C8orf34: variants seen among roughly 807,000 people sequenced by gnomAD.
C8orf34 encodes the protein chromosome 8 open reading frame 34.
In C8orf34, 65 loss-of-function variants were observed where a neutral mutation model predicts 68.3. That is an observed-to-expected ratio of 0.95 (90% CI 0.78 to 1.17). The LOEUF is 1.17. Among genes scored for constraint, C8orf34 ranks in the 50% most tolerant of loss-of-function variants. C8orf34 has a pLI of 0.00. For synonymous variants in C8orf34, 244 were observed against 241.2 expected (o/e 1.01, Z -0.11); for missense variants, 664 against 655.4 (o/e 1.01, Z -0.14).
intron 7 of C8orf34, among the ~76,000 whole-genome samples, chr8:68,601,482 T>C (rs1817696726): frequency 6.6e-6 from 1 of 152,142 alleles, no homozygotes; most frequent in Non-Finnish European, 1.5e-5. Context: ...CTGATTTTAT[T>C]CTCTGTCATC....
At chr8:68,498,609 C>T (rs1241833002) in intron 5 of C8orf34, among the ~76,000 whole-genome samples, 4 of 151,886 alleles carry the variant, frequency 2.6e-5, no homozygotes, top group Admixed American at 1.3e-4. Flanking sequence ...GTGTGCTTTG[C>T]GTGATATACA....
At chr8:68,526,526 T>G (rs143178904) in intron 6 of C8orf34, among the ~76,000 whole-genome samples, 145 of 152,284 alleles carry the variant, frequency 9.5e-4, no homozygotes, top group African/African-American at 3.4e-3. Flanking sequence ...AGCACTTAAG[T>G]GTCTGCTAAA....
chr8:68,631,294 A>G (rs1344355015), intron 7 of C8orf34, among the ~76,000 whole-genome samples: 2 of 151,356 alleles, frequency 1.3e-5, no homozygotes, highest in African/African-American at 2.4e-5. Flanking sequence ...GTAAATAAAG[A>G]CAAGTCCCCA....
At chr8:68,757,602 T>C (rs1822902532) in intron 10 of C8orf34, among the ~76,000 whole-genome samples, 1 of 151,960 alleles carries the variant, frequency 6.6e-6, no homozygotes, top group African/African-American at 2.4e-5. Flanking sequence ...GCCTGGGCAA[T>C]AGAGTGAGAC....
intron 1 of C8orf34, among the ~76,000 whole-genome samples, chr8:68,436,914 T>C (rs1454644661): frequency 6.6e-6 from 1 of 152,174 alleles, no homozygotes; most frequent in Non-Finnish European, 1.5e-5. Flanking sequence ...AATTTTCATG[T>C]CTGGGAAAGG....
chr8:68,633,269 T>C (rs1306292969), intron 7 of C8orf34, among the ~76,000 whole-genome samples: 2 of 152,128 alleles, frequency 1.3e-5, no homozygotes, highest in African/African-American at 2.4e-5. Context: ...GCCTCTCCAA[T>C]AGAGGGGAGC....
At chr8:68,637,112 C>A (rs1250939722) in intron 7 of C8orf34, among the ~76,000 whole-genome samples, 2 of 152,168 alleles carry the variant, frequency 1.3e-5, no homozygotes, top group Non-Finnish European at 2.9e-5. Flanking sequence ...GGTACATATA[C>A]CACCATGACT....
At chr8:68,786,218 C>T (rs1013280078) in intron 11 of C8orf34, among the ~76,000 whole-genome samples, 1 of 152,086 alleles carries the variant, frequency 6.6e-6, no homozygotes, top group Non-Finnish European at 1.5e-5. Context: ...GTTCTTGAGT[C>T]GTGGCTCAAT....
intron 5 of C8orf34, 149 bp downstream of exon 5, chr8:68,488,200 A>G (rs1175551268): frequency 3.5e-6 from 2 of 564,736 alleles, no homozygotes; most frequent in East Asian, 6.4e-5. Context: ...TTAAATGCAT[A>G]TTGTTTTATG....
At chr8:68,474,902 T>A (rs1238158772) in intron 4 of C8orf34, among the ~76,000 whole-genome samples, 4 of 152,222 alleles carry the variant, frequency 2.6e-5, no homozygotes, top group African/African-American at 9.6e-5. Context: ...CACACACTAT[T>A]GATTCGCTTC....
intron 12 of C8orf34, among the ~76,000 whole-genome samples, chr8:68,804,126 T>G (rs1032634300): frequency 3.3e-5 from 5 of 152,204 alleles, no homozygotes; most frequent in Non-Finnish European, 5.9e-5. Context: ...CTGATGCCAC[T>G]GCAAATCAAT....
At position 68,640,509 on chromosome 8, in the gene C8orf34, C is replaced by T; in HGVS notation, c.1239C>T (p.Ala413=). The change falls in exon 8 of 14, where the codon GCC becomes GCT. Residue 413 remains alanine, a splice_region_variant and synonymous_variant. Transcript: ENST00000518698. ...KVTLNICSRC[A]RLQGDNLEER... ...CACTGAACATCTGTTCAAGGTGTGC[C>T]AGGTAAAAGACATAATAGGTATAGT... 6.2e-7 allele frequency: 1 copy of T among 1,612,580 alleles called. No homozygotes were observed. The highest frequency in any genetic ancestry group is 8.5e-7 in the Non-Finnish European group (1 of 1,179,378).
intron 12 of C8orf34, among the ~76,000 whole-genome samples, chr8:68,801,162 T>C (rs1282004063): frequency 1.3e-5 from 2 of 152,324 alleles, no homozygotes; most frequent in East Asian, 3.9e-4. Context: ...TTTATCTTTG[T>C]ATTGTAATGT....
chr8:68,792,571 C>CAAAAAAAAAAAAAAAAAAAAAAAAA (rs1162293308), intron 12 of C8orf34: 4 of 42,296 alleles, frequency 9.5e-5, no homozygotes, highest in African/African-American at 1.4e-4. Context: ...GACTCCATCT[C>CAAAAAAAAAAAAAAAAAAAAAAAAA]AAAAAAAAAA....
At chr8:68,511,566 A>G (rs1310201678) in intron 5 of C8orf34, among the ~76,000 whole-genome samples, 1 of 139,114 alleles carries the variant, frequency 7.2e-6, no homozygotes, top group Non-Finnish European at 1.5e-5. Context: ...AACTGGCAGG[A>G]AAGTTTTTTT....
At chr8:68,796,656 C>A (rs1443631013) in intron 12 of C8orf34, among the ~76,000 whole-genome samples, 1 of 152,054 alleles carries the variant, frequency 6.6e-6, no homozygotes, top group Non-Finnish European at 1.5e-5. Flanking sequence ...ATATAATAAG[C>A]ATCCTGGTTT....
chr8:68,533,195 T>A, intron 7 of C8orf34, 46 bp downstream of exon 7: 1 of 1,537,804 alleles, frequency 6.5e-7, no homozygotes, highest in Non-Finnish European at 8.7e-7. Flanking sequence ...TTTGACATTG[T>A]AAAAAAAACG....
chr8:68,474,591 T>G (rs997677620), intron 4 of C8orf34, among the ~76,000 whole-genome samples: 5 of 152,156 alleles, frequency 3.3e-5, no homozygotes, highest in Non-Finnish European at 5.9e-5. Flanking sequence ...CATAAATTTA[T>G]GTTTAGGAGA....
chr8:68,463,572 A>C (rs183712716), intron 3 of C8orf34, among the ~76,000 whole-genome samples: 197 of 152,332 alleles, frequency 1.3e-3, no homozygotes, highest in African/African-American at 4.2e-3. Context: ...ATCCAGCAGC[A>C]TATCAAAAAG....
Sources: gnomAD v4.1 joint callset for allele counts (sites outside exome capture counted in the v4.1 genomes callset) on GRCh38, gnomAD v4.1.1 for gene constraint, MANE v1.5 for transcripts, NCBI Gene and HGNC (gene_info 2026-07-23, HGNC 2026-07-21) for gene names.